Variants in KCNIP4 observed in about 807,000 individuals in gnomAD.
KCNIP4 encodes the protein potassium voltage-gated channel interacting protein 4, also known as Kv channel-interacting protein 4.
A neutral mutation model predicts 34.0 loss-of-function variants in KCNIP4; 12 were observed. The observed-to-expected ratio is 0.35, with a 90% CI of 0.23 to 0.57. The LOEUF is 0.57. KCNIP4 is among the 20% of genes least tolerant of loss of function. The probability of loss-of-function intolerance (pLI) is 0.83; values close to 1 mark genes in which losing one functional copy is unlikely to be tolerated. For missense variants in KCNIP4, 238 were observed against 311.7 expected, an observed-to-expected ratio of 0.76 and a Z score of 1.78; for synonymous variants, 124 against 102.2, an observed-to-expected ratio of 1.21 and a Z score of -1.29.
intron 1 of KCNIP4, among the ~76,000 whole-genome samples, chr4:21,231,147 C>G (rs1758760931): frequency 6.6e-6 from 1 of 152,086 alleles, no homozygotes; most frequent in African/African-American, 2.4e-5. Flanking sequence ...ATGTCTTCTC[C>G]TTTATTGTCC....
At chr4:21,791,961 C>T (rs527515567) in intron 1 of KCNIP4, among the ~76,000 whole-genome samples, 1 of 125,716 alleles carries the variant, frequency 8.0e-6, no homozygotes, top group Non-Finnish European at 1.6e-5. Flanking sequence ...GAGATTGCAC[C>T]GCTGTACTCC....
chr4:21,202,702 G>A (rs562679315), intron 1 of KCNIP4, among the ~76,000 whole-genome samples: 1 of 152,272 alleles, frequency 6.6e-6, no homozygotes, highest in Admixed American at 6.5e-5. Context: ...GATTAACCAT[G>A]TTCTTTCCAC....
intron 5 of KCNIP4, among the ~76,000 whole-genome samples, chr4:20,743,259 G>GA (rs1270665046): frequency 2.6e-5 from 4 of 151,996 alleles, no homozygotes; most frequent in African/African-American, 4.8e-5. Flanking sequence ...CACAAAATTG[G>GA]AAAAAACTAC....
At chr4:21,748,617 T>C (rs1475371965) in intron 1 of KCNIP4, among the ~76,000 whole-genome samples, 2 of 152,198 alleles carry the variant, frequency 1.3e-5, no homozygotes, top group East Asian at 1.9e-4. Flanking sequence ...TTATACCCTG[T>C]TGTGAATCAT....
At chr4:21,107,247 G>A (rs577994154) in intron 1 of KCNIP4, among the ~76,000 whole-genome samples, 15 of 145,028 alleles carry the variant, frequency 1.0e-4, no homozygotes, top group Admixed American at 8.9e-4. Flanking sequence ...CTCTTTGTAG[G>A]TCACTCAGGA....
At chr4:21,883,864 G>A (rs764767138) in intron 1 of KCNIP4, among the ~76,000 whole-genome samples, 9 of 152,098 alleles carry the variant, frequency 5.9e-5, no homozygotes, top group Non-Finnish European at 1.3e-4. Flanking sequence ...TGAAGTGAAT[G>A]GAGAATGGAT....
In KCNIP4 at chr4:21,456,601, G is replaced by A. The variant is rs114242659; in HGVS notation, c.61+491970C>T. On this transcript the variant is annotated intron_variant, in intron 1 of 8. Coordinates refer to ENST00000382152, the MANE Select transcript of KCNIP4 (RefSeq NM_025221.6). Reference sequence around the variant, plus strand: ...TTATAAGATGAATTACAATAAATATGTAAACATTTTAAAATGCATGTCTTA... The same window carrying A: ...TTATAAGATGAATTACAATAAATATATAAACATTTTAAAATGCATGTCTTA... Among the ~76,000 whole-genome samples, 327 of 147,890 alleles carry A rather than the reference G, an allele frequency of 2.2e-3. 19 individuals are homozygous for A. Among genetic ancestry groups the A allele is most frequent in the Middle Eastern group, 3.4e-3 (1 of 290 alleles).
At chr4:21,656,119 TGA>T (rs1186660405) in intron 1 of KCNIP4, among the ~76,000 whole-genome samples, 1 of 152,226 alleles carries the variant, frequency 6.6e-6, no homozygotes, top group African/African-American at 2.4e-5. Context: ...TAATTTCTTC[TGA>T]GAGTAGTAAG....
chr4:21,060,166 T>C (rs980413599), intron 1 of KCNIP4, among the ~76,000 whole-genome samples: 5 of 152,122 alleles, frequency 3.3e-5, no homozygotes, highest in Non-Finnish European at 5.9e-5. Flanking sequence ...ACTTTTACAA[T>C]AAAGAATGAA....
intron 1 of KCNIP4, among the ~76,000 whole-genome samples, chr4:21,726,280 G>T (rs892700884): frequency 2.0e-5 from 3 of 152,072 alleles, no homozygotes; most frequent in Non-Finnish European, 2.9e-5. Flanking sequence ...TGAAGCAGTT[G>T]TTCCCTCAGT....
intron 2 of KCNIP4, among the ~76,000 whole-genome samples, chr4:20,877,967 TC>T (rs1479973120): frequency 1.6e-5 from 2 of 126,004 alleles, no homozygotes; most frequent in African/African-American, 3.3e-5. Context: ...GTTTTCTCTC[TC>T]TCTTTTTTTT....
Position 20,999,477 on chromosome 4 carries a change from C to CCACTA in KCNIP4, c.62-116773_62-116769dup, listed in dbSNP as rs551409293. 2.1e-4 allele frequency among the ~76,000 whole-genome samples: 28 copies of CCACTA among 133,794 alleles called. No individual in the cohort carries two copies. In the South Asian group the frequency reaches 3.1e-3, roughly 15 times the overall value. The allele number at this position is 133,794 out of a possible 152,430, so 87.8% of individuals were successfully genotyped here. A position where few individuals can be genotyped will look rare whatever the true frequency, so the allele number is the denominator to read the frequency against. ...TTTTTATCTTGAGAGCATGAGAGAGCCACTAAAAGGCTATAAACAGAGGCA... is the reference window on the plus strand; with the variant it reads ...TTTTTATCTTGAGAGCATGAGAGAGCCACTACACTAAAAGGCTATAAACAGAGGCA... On this transcript the variant is annotated intron_variant, in intron 1 of 8. Coordinates refer to ENST00000382152, the MANE Select transcript of KCNIP4 (RefSeq NM_025221.6).
At chr4:21,612,639 A>G (rs1744245200) in intron 1 of KCNIP4, among the ~76,000 whole-genome samples, 4 of 152,252 alleles carry the variant, frequency 2.6e-5, no homozygotes, top group African/African-American at 4.8e-5. Flanking sequence ...GCTATTTAAT[A>G]AAAAGCTAGT....
At chr4:21,175,257 C>CA (rs1754321536) in intron 1 of KCNIP4, among the ~76,000 whole-genome samples, 1 of 152,094 alleles carries the variant, frequency 6.6e-6, no homozygotes, top group Non-Finnish European at 1.5e-5. Context: ...ATCTTCCTAT[C>CA]TTTGGGAGGG....
rs144244604 is a variant in KCNIP4 at position 21,302,456 on chromosome 4, C to T, written c.62-419747G>A. Among the ~76,000 whole-genome samples the T allele has an allele frequency of 2.0e-4, 30 of 152,308 alleles. No individual in the cohort carries two copies. In the East Asian group the frequency reaches 5.6e-3, roughly 28 times the overall value. On this transcript the variant is annotated intron_variant, in intron 1 of 8. Transcript: ENST00000382152. Reference sequence around the variant, plus strand: ...TAAAAACCAGTTCATTAAAATGGGACATCCCAATCACATTTGCCAACTAAA... The same window carrying T: ...TAAAAACCAGTTCATTAAAATGGGATATCCCAATCACATTTGCCAACTAAA...
At position 21,746,598 on chromosome 4, in the gene KCNIP4, A is replaced by C. The variant is rs1437469499; in HGVS notation, c.61+201973T>G. ...CAATATAATCAAGAAAAAATAAAAA[A>C]AAAAGCACATTTAGATATGAGCATA... is the stretch of plus-strand genomic sequence containing the variant. On this transcript the variant is annotated intron_variant, in intron 1 of 8. Transcript: ENST00000382152. 2.0e-3 allele frequency among the ~76,000 whole-genome samples: 300 copies of C among 152,144 alleles called. 4 individuals are homozygous for C. Among genetic ancestry groups the C allele is most frequent in the Non-Finnish European group, 7.4e-5 (5 of 67,972 alleles).
intron 1 of KCNIP4, among the ~76,000 whole-genome samples, chr4:21,526,431 T>C (rs1412833686): frequency 1.3e-5 from 2 of 152,142 alleles, no homozygotes; most frequent in East Asian, 1.9e-4. Context: ...TTATAAATTA[T>C]GCAGTCTCGA....
At chr4:21,282,027 T>G (rs1390444535) in intron 1 of KCNIP4, among the ~76,000 whole-genome samples, 2 of 152,244 alleles carry the variant, frequency 1.3e-5, no homozygotes, top group Non-Finnish European at 2.9e-5. Flanking sequence ...TGGTGGATTC[T>G]AGGCAACAGG....
intron 1 of KCNIP4, among the ~76,000 whole-genome samples, chr4:21,302,143 C>A (rs534321809): frequency 9.2e-5 from 14 of 152,194 alleles, no homozygotes; most frequent in South Asian, 2.1e-4. Context: ...TCATACAAAT[C>A]AGTACAGCTT....
Sources: gnomAD v4.1 joint callset for allele counts (sites outside exome capture counted in the v4.1 genomes callset) on GRCh38, gnomAD v4.1.1 for gene constraint, MANE v1.5 for transcripts, NCBI Gene and HGNC (gene_info 2026-07-23, HGNC 2026-07-21) for gene names.